The following POR variants were observed in gnomAD, a reference collection of about 807,000 sequenced individuals.
POR encodes cytochrome p450 oxidoreductase.
In POR, 56 loss-of-function variants were observed where a neutral mutation model predicts 84.0. That is an observed-to-expected ratio of 0.67 (90% CI 0.54 to 0.83). The LOEUF is 0.83. POR is among the 40% of genes least tolerant of loss of function. The pLI is 0.00. For synonymous variants in POR, 414 were observed against 400.5 expected (o/e 1.03, Z -0.40); for missense variants, 938 against 944.3 (o/e 0.99, Z 0.09).
intron 2 of POR, among the ~76,000 whole-genome samples, chr7:75,967,504 C>G (rs1156322105): frequency 2.0e-5 from 3 of 152,056 alleles, no homozygotes; most frequent in Non-Finnish European, 4.4e-5. Context: ...AAGACAGGGA[C>G]CAGACTTAAT....
At chr7:75,981,885 C>T in intron 7 of POR, 1 of 574,122 alleles carries the variant, frequency 1.7e-6, no homozygotes, top group South Asian at 2.2e-5. Context: ...TCCTTAAAAT[C>T]TGCCTCCACA....
intron 3 of POR, among the ~76,000 whole-genome samples, chr7:75,976,042 G>A (rs143197363): frequency 1.5e-4 from 23 of 151,044 alleles, no homozygotes; most frequent in African/African-American, 4.2e-4. Flanking sequence ...GTCCATAATC[G>A]GGGTGCTTTT....
At chr7:75,984,717 A>T in intron 10 of POR, 60 bp from the exon 11 acceptor site, 1 of 1,497,710 alleles carries the variant, frequency 6.7e-7, no homozygotes, top group Non-Finnish European at 9.3e-7. Context: ...CTCCTGCCGC[A>T]GCCACCCATC....
chr7:75,961,762 C>T (rs1787954685), intron 2 of POR, among the ~76,000 whole-genome samples: 3 of 152,190 alleles, frequency 2.0e-5, no homozygotes, highest in Non-Finnish European at 4.4e-5. Context: ...GCCTGTAATC[C>T]CAGCACTTCG....
intron 7 of POR, 122 bp downstream of exon 7, chr7:75,981,728 C>A: frequency 3.7e-6 from 3 of 803,068 alleles, no homozygotes; most frequent in South Asian, 3.6e-5. Flanking sequence ...GTCATAGGGT[C>A]GAGGAGGGAC....
chr7:75,925,921 A>G (rs1038716667), intron 1 of POR, among the ~76,000 whole-genome samples: 1 of 151,804 alleles, frequency 6.6e-6, no homozygotes, highest in Non-Finnish European at 1.5e-5. Context: ...CAGAGTGAGG[A>G]GCGATCTTGT....
chr7:75,934,122 AGTGTGTGTGTGTGTGTGTGTGTGTGT>A (rs58236447), intron 1 of POR, among the ~76,000 whole-genome samples: 7 of 126,854 alleles, frequency 5.5e-5, no homozygotes, highest in Admixed American at 2.4e-4. Flanking sequence ...AAGACCTCAG[AGTGTGTGTGTGTGTGTGTGTGTGTGT>A]GTGTGTGTGT....
intron 1 of POR, among the ~76,000 whole-genome samples, chr7:75,928,708 CAGGAGG>C (rs58707982): frequency 0.21 from 31,821 of 152,198 alleles, 5,306 homozygotes; most frequent in African/African-American, 0.45. Context: ...GGTCACTGCC[CAGGAGG>C]ACTTTTTTCT....
At chr7:75,977,919 G>A (rs1026144174) in intron 3 of POR, among the ~76,000 whole-genome samples, 4 of 152,346 alleles carry the variant, frequency 2.6e-5, no homozygotes, top group South Asian at 2.1e-4. Context: ...TGCAAAGCAC[G>A]TTCAATTGGC....
intron 3 of POR, among the ~76,000 whole-genome samples, chr7:75,977,084 C>T (rs1554556958): frequency 3.9e-5 from 6 of 152,198 alleles, no homozygotes; most frequent in Admixed American, 3.3e-4. Context: ...AACTCCTGGG[C>T]TCAAGTCATC....
At chr7:75,957,150 A>G (rs771873580) in intron 2 of POR, among the ~76,000 whole-genome samples, 2 of 152,144 alleles carry the variant, frequency 1.3e-5, no homozygotes, top group Admixed American at 6.6e-5. Flanking sequence ...CAGAGAGGTT[A>G]TGGGATGTGC....
rs531515554 is a variant in POR, at chr7:75,984,465, G to A, written c.1067-312G>A. ...GTCGGCTTCCACAGCCCGCCTGTAGGGAAGCCTGGGCGGGGCTGTGTCAGA... is the reference window on the plus strand; with the variant it reads ...GTCGGCTTCCACAGCCCGCCTGTAGAGAAGCCTGGGCGGGGCTGTGTCAGA... On this transcript the variant is annotated intron_variant, in intron 10 of 15. Coordinates refer to ENST00000461988, the MANE Select transcript of POR (RefSeq NM_000941.3). Among the ~76,000 whole-genome samples, 10 of 152,332 alleles carry A rather than the reference G, an allele frequency of 6.6e-5. No homozygotes were observed. In the South Asian group the frequency reaches 1.9e-3, roughly 28 times the overall value.
intron 1 of POR, among the ~76,000 whole-genome samples, chr7:75,952,386 C>T (rs1406349323): frequency 2.8e-5 from 4 of 141,798 alleles, no homozygotes; most frequent in South Asian, 4.5e-4. Flanking sequence ...CCTCACCTCC[C>T]GGACGGGGCA....
intron 2 of POR, among the ~76,000 whole-genome samples, chr7:75,959,854 G>A (rs1455367042): frequency 1.3e-5 from 2 of 152,166 alleles, no homozygotes; most frequent in Non-Finnish European, 2.9e-5. Flanking sequence ...ACAATATTGA[G>A]CTTTCTATTC....
intron 1 of POR, among the ~76,000 whole-genome samples, chr7:75,917,401 T>C (rs1218223055): frequency 4.0e-5 from 6 of 148,828 alleles, no homozygotes; most frequent in East Asian, 1.9e-4. Context: ...TTTTTTTTTT[T>C]CTGATGGAAG....
chr7:75,948,629 T>G (rs967313695), intron 1 of POR, among the ~76,000 whole-genome samples: 1 of 152,348 alleles, frequency 6.6e-6, no homozygotes, highest in African/African-American at 2.4e-5. Context: ...TATAAAGGCA[T>G]TCCATAGTCT....
At chr7:75,919,508 G>C (rs902945125) in intron 1 of POR, among the ~76,000 whole-genome samples, 2 of 151,902 alleles carry the variant, frequency 1.3e-5, no homozygotes, top group Admixed American at 1.3e-4. Flanking sequence ...CTGGAGCCAC[G>C]TTCATCAGTT....
At chr7:75,945,855 A>G (rs1787149364) in intron 1 of POR, among the ~76,000 whole-genome samples, 1 of 152,038 alleles carries the variant, frequency 6.6e-6, no homozygotes, top group Admixed American at 6.6e-5. Flanking sequence ...TTTTTTACGG[A>G]CCAGAAGTTG....
intron 3 of POR, among the ~76,000 whole-genome samples, chr7:75,976,892 C>T (rs1235491369): frequency 6.6e-6 from 1 of 151,840 alleles, no homozygotes; most frequent in Non-Finnish European, 1.5e-5. Flanking sequence ...CTCCTGTCAC[C>T]CAGGCTGGAG....
Sources: gnomAD v4.1 joint callset for allele counts (sites outside exome capture counted in the v4.1 genomes callset) on GRCh38, gnomAD v4.1.1 for gene constraint, MANE v1.5 for transcripts, NCBI Gene and HGNC (gene_info 2026-07-23, HGNC 2026-07-21) for gene names.